The following SLC4A4 variants were observed in gnomAD, a reference collection of about 807,000 sequenced individuals.
SLC4A4 encodes electrogenic sodium bicarbonate cotransporter 1.
A neutral mutation model predicts 111.5 loss-of-function variants in SLC4A4; 27 were observed. The observed-to-expected ratio is 0.24, with a 90% CI of 0.18 to 0.33. SLC4A4 has a LOEUF of 0.33. Among genes scored for constraint, SLC4A4 ranks in the 10% least tolerant of loss-of-function variants. SLC4A4 has a pLI of 1.00. For missense variants in SLC4A4, 909 were observed against 1,315.5 expected (o/e 0.69, Z 4.78); for synonymous variants, 443 against 463.4 (o/e 0.96, Z 0.57).
At chr4:71,137,564 C>G (rs546605380) in intron 2 of SLC4A4, among the ~76,000 whole-genome samples, 14 of 152,310 alleles carry the variant, frequency 9.2e-5, no homozygotes, top group Admixed American at 3.3e-4. Flanking sequence ...CTTGAACAAA[C>G]TCTCATTCTA....
At chr4:71,246,867 ATTAATT>A (rs1720700220) in intron 2 of SLC4A4, among the ~76,000 whole-genome samples, 1 of 152,156 alleles carries the variant, frequency 6.6e-6, no homozygotes, top group South Asian at 2.1e-4. Context: ...TCTATACGTC[ATTAATT>A]GCCTATTTGA....
At chr4:71,085,215 G>T (rs568524951) in intron 1 of SLC4A4, among the ~76,000 whole-genome samples, 1 of 152,182 alleles carries the variant, frequency 6.6e-6, no homozygotes, top group South Asian at 2.1e-4. Flanking sequence ...TTTGAAAAGT[G>T]TCTGTTCATA....
At position 71,472,759 on chromosome 4, in the gene SLC4A4, A is replaced by G. The variant is rs751143309; in HGVS notation, c.1692A>G (p.Leu564=). The change falls in exon 14 of 26, where the codon CTA becomes CTG. Residue 564 remains leucine, a synonymous_variant. Transcript: ENST00000264485. Reference sequence around the variant, plus strand: ...GGATTGGCCTGTGGTCCGCCTTCCTATGTCTCATTTTGGTAGCCACTGATG... The same window carrying G: ...GGATTGGCCTGTGGTCCGCCTTCCTGTGTCTCATTTTGGTAGCCACTGATG... The part of the protein sequence containing the change: ...RLWIGLWSAF[L]CLILVATDAS... 6.8e-6 allele frequency: 11 copies of G among 1,612,806 alleles called. No homozygotes were observed. Among genetic ancestry groups the G allele is most frequent in the Middle Eastern group, 3.3e-4 (2 of 6,046 alleles).
At chr4:71,314,840 G>A (rs749740049) in intron 3 of SLC4A4, among the ~76,000 whole-genome samples, 17 of 151,940 alleles carry the variant, frequency 1.1e-4, no homozygotes, top group Non-Finnish European at 1.9e-4. Context: ...ACCAAATGAC[G>A]GGTTGACAGG....
At chr4:71,153,033 G>GTGTGTATATATATATATATATA (rs386400441) in intron 2 of SLC4A4, among the ~76,000 whole-genome samples, 42 of 132,716 alleles carry the variant, frequency 3.2e-4, no homozygotes, top group African/African-American at 1.1e-3. Flanking sequence ...ATATGTGTGT[G>GTGTGTATATATATATATATATA]TATATATATA....
intron 2 of SLC4A4, among the ~76,000 whole-genome samples, chr4:71,246,984 G>A (rs187368249): frequency 1.4e-4 from 22 of 152,066 alleles, no homozygotes; most frequent in East Asian, 3.9e-4. Context: ...AATGAATGTC[G>A]TCCCTCTTTT....
intron 7 of SLC4A4, among the ~76,000 whole-genome samples, chr4:71,408,752 C>G (rs1202098245): frequency 1.3e-5 from 2 of 152,148 alleles, no homozygotes; most frequent in East Asian, 3.8e-4. Flanking sequence ...CTTGAATATT[C>G]CAGCTTATGT....
intron 2 of SLC4A4, among the ~76,000 whole-genome samples, chr4:71,169,627 C>T (rs1477802593): frequency 1.3e-5 from 2 of 152,072 alleles, no homozygotes; most frequent in African/African-American, 2.4e-5. Flanking sequence ...GGGTAGTTTG[C>T]AAATATTTTC....
intron 2 of SLC4A4, among the ~76,000 whole-genome samples, chr4:71,137,194 G>T (rs779559870): frequency 6.6e-6 from 1 of 152,032 alleles, no homozygotes; most frequent in Non-Finnish European, 1.5e-5. Flanking sequence ...ACATCTGCCC[G>T]CTGACTCCAC....
chr4:71,092,568 A>C (rs1490970889), intron 1 of SLC4A4, among the ~76,000 whole-genome samples: 1 of 152,228 alleles, frequency 6.6e-6, no homozygotes, highest in African/African-American at 2.4e-5. Context: ...CAGAAAAAAC[A>C]CTGCAAAAAC....
intron 2 of SLC4A4, among the ~76,000 whole-genome samples, chr4:71,251,153 A>G (rs546132866): frequency 6.6e-6 from 1 of 152,344 alleles, no homozygotes; most frequent in East Asian, 1.9e-4. Flanking sequence ...TGGCTGATCT[A>G]AAACCCTTTT....
At chr4:71,369,536 T>C (rs1560447623) in intron 6 of SLC4A4, among the ~76,000 whole-genome samples, 1 of 152,142 alleles carries the variant, frequency 6.6e-6, no homozygotes, top group African/African-American at 2.4e-5. Context: ...CTGAAGGTGG[T>C]TTGAAAGCAT....
chr4:71,450,634 T>G, intron 10 of SLC4A4, 91 bp downstream of exon 10: 1 of 1,213,850 alleles, frequency 8.2e-7, no homozygotes, highest in Non-Finnish European at 1.2e-6. Context: ...CAACCTGTTG[T>G]TCTAATATTT....
At position 71,567,830 on chromosome 4, in the gene SLC4A4, A is replaced by G. The variant is rs199878909; in HGVS notation, c.*79A>G. The G allele has an allele frequency of 7.9e-5, 123 of 1,551,314 alleles. 1 individual carries two copies. The African/African-American group carries it at 1.2e-3, about 15-fold the overall frequency. On this transcript the variant is annotated 3_prime_UTR_variant, in exon 26 of 26. Coordinates refer to ENST00000264485, the MANE Select transcript of SLC4A4 (RefSeq NM_001098484.3). ...TAAAAGTTGTGCCTCAAATTAGAATAGAACTTGAACCTGAAGACAATGATT... is the reference window on the plus strand; with the variant it reads ...TAAAAGTTGTGCCTCAAATTAGAATGGAACTTGAACCTGAAGACAATGATT...
At chr4:71,563,936 C>A in intron 24 of SLC4A4, 47 bp downstream of exon 24, 3 of 1,260,458 alleles carry the variant, frequency 2.4e-6, no homozygotes, top group Non-Finnish European at 3.5e-6. Flanking sequence ...ATGATTTGCA[C>A]TTACAGAGAA....
chr4:71,289,366 A>G (rs1366041682), intron 3 of SLC4A4, among the ~76,000 whole-genome samples: 1 of 152,208 alleles, frequency 6.6e-6, no homozygotes, highest in African/African-American at 2.4e-5. Flanking sequence ...GTCCAGCCAT[A>G]ACAACTACTT....
intron 4 of SLC4A4, among the ~76,000 whole-genome samples, chr4:71,345,877 G>A (rs557642806): frequency 6.6e-6 from 1 of 151,980 alleles, no homozygotes; most frequent in African/African-American, 2.4e-5. Context: ...TTTAATAGTG[G>A]ATCTAGAATT....
chr4:71,391,454 CT>C (rs1328560091), intron 6 of SLC4A4, among the ~76,000 whole-genome samples: 1 of 151,948 alleles, frequency 6.6e-6, no homozygotes, highest in Non-Finnish European at 1.5e-5. Context: ...TTTATTGTAA[CT>C]AATAGTTATA....
chr4:71,551,742 T>C (rs1736012798), intron 20 of SLC4A4, among the ~76,000 whole-genome samples: 1 of 151,928 alleles, frequency 6.6e-6, no homozygotes, highest in East Asian at 1.9e-4. Flanking sequence ...GCTTCTTTGA[T>C]CCAACTTCCA....
Sources: allele counts gnomAD v4.1 joint callset (sites outside exome capture counted in the v4.1 genomes callset), GRCh38; gene constraint gnomAD v4.1.1; transcripts MANE v1.5; gene names NCBI Gene and HGNC (gene_info 2026-07-23, HGNC 2026-07-21).